Variants in SLC35F4 observed in about 807,000 individuals in gnomAD.
SLC35F4 encodes the protein chromosome 14 open reading frame 36.
Under a neutral mutation model 44.2 loss-of-function variants are expected in SLC35F4, and 24 were observed. That is an observed-to-expected ratio of 0.54 (90% CI 0.39 to 0.76). SLC35F4 has a LOEUF of 0.76. Ranked by LOEUF, SLC35F4 falls within the 30% of genes least tolerant of loss-of-function variation. SLC35F4 has a pLI of 0.00. For missense variants in SLC35F4, 562 were observed against 586.1 expected (o/e 0.96, Z 0.42); for synonymous variants, 238 against 223.6 (o/e 1.06, Z -0.57).
At chr14:57,661,650 T>C (rs2074140513) in intron 1 of SLC35F4, among the ~76,000 whole-genome samples, 1 of 152,256 alleles carries the variant, frequency 6.6e-6, no homozygotes, top group South Asian at 2.1e-4. Context: ...AGTGAAGAAA[T>C]ATGAAGGCTA....
At chr14:57,919,230 T>A (rs1889391734) in intron 1 of SLC35F4, among the ~76,000 whole-genome samples, 1 of 152,208 alleles carries the variant, frequency 6.6e-6, no homozygotes. Context: ...AATAAACTTT[T>A]ACTATGTTAA....
At chr14:57,576,700 A>G (rs1474324799) in intron 4 of SLC35F4, among the ~76,000 whole-genome samples, 2 of 152,084 alleles carry the variant, frequency 1.3e-5, no homozygotes, top group South Asian at 2.1e-4. Context: ...GAAGGGGGGT[A>G]CCTTGGATAG....
intron 1 of SLC35F4, among the ~76,000 whole-genome samples, chr14:57,694,594 G>T (rs62005180): frequency 0.059 from 8,941 of 152,160 alleles, 396 homozygotes; most frequent in Non-Finnish European, 0.089. Context: ...GAGTTTGATA[G>T]ATATTTCACA....
chr14:57,957,350 A>G (rs1182433599), intron 1 of SLC35F4, among the ~76,000 whole-genome samples: 1 of 151,974 alleles, frequency 6.6e-6, no homozygotes, highest in African/African-American at 2.4e-5. Context: ...TGACAGGTTG[A>G]TGCATGCAGC....
chr14:57,937,005 TA>T (rs1203396976), intron 1 of SLC35F4, among the ~76,000 whole-genome samples: 3 of 151,618 alleles, frequency 2.0e-5, no homozygotes, highest in African/African-American at 7.3e-5. Flanking sequence ...ATGTTACATT[TA>T]AAAAATTGAG....
chr14:57,689,295 G>A lies in SLC35F4; in HGVS notation c.104-95171C>T, dbSNP rs768167815. On this transcript the variant is annotated intron_variant, in intron 1 of 7. Coordinates refer to ENST00000556826, the MANE Select transcript of SLC35F4 (RefSeq NM_001306087.2). ...CAGGCCATTCACCCTGTCCTGCCAA[G>A]TTGACCTCCTAATTTCTTCTGGAGT... Among the ~76,000 whole-genome samples the A allele has an allele frequency of 2.2e-4, 34 of 152,030 alleles. 1 individual carries two copies. The highest frequency in any genetic ancestry group is 4.3e-4 in the Non-Finnish European group (29 of 68,022).
intron 1 of SLC35F4, among the ~76,000 whole-genome samples, chr14:57,946,853 T>G (rs539155984): frequency 6.6e-6 from 1 of 152,178 alleles, no homozygotes; most frequent in South Asian, 2.1e-4. Context: ...CCAGGCTGTT[T>G]TGCTAACTAT....
intron 1 of SLC35F4, among the ~76,000 whole-genome samples, chr14:57,965,165 T>A (rs996721876): frequency 6.6e-6 from 1 of 151,882 alleles, no homozygotes; most frequent in Non-Finnish European, 1.5e-5. Context: ...CTGACAAGGG[T>A]CTCACTGGGT....
intron 1 of SLC35F4, among the ~76,000 whole-genome samples, chr14:57,649,646 A>G (rs1028921883): frequency 1.3e-5 from 2 of 152,148 alleles, no homozygotes; most frequent in African/African-American, 4.8e-5. Flanking sequence ...TATTCTGCCA[A>G]CCACAGCATG....
intron 1 of SLC35F4, among the ~76,000 whole-genome samples, chr14:57,820,921 A>G (rs189854297): frequency 8.6e-4 from 131 of 152,374 alleles, no homozygotes; most frequent in African/African-American, 3.0e-3. Flanking sequence ...TGTTAACAAA[A>G]AGAGAAAGCT....
chr14:57,953,320 G>A (rs1890175815), intron 1 of SLC35F4, among the ~76,000 whole-genome samples: 1 of 152,164 alleles, frequency 6.6e-6, no homozygotes, highest in Non-Finnish European at 1.5e-5. Flanking sequence ...ACCAGCCACT[G>A]CAAAAATATA....
At chr14:57,850,191 G>T (rs1264664922) in intron 1 of SLC35F4, among the ~76,000 whole-genome samples, 1 of 152,192 alleles carries the variant, frequency 6.6e-6, no homozygotes, top group Non-Finnish European at 1.5e-5. Context: ...CACATGAAAA[G>T]TTGCAACGTC....
intron 1 of SLC35F4, among the ~76,000 whole-genome samples, chr14:57,692,016 CA>C (rs1265597699): frequency 2.0e-5 from 3 of 151,946 alleles, no homozygotes; most frequent in Non-Finnish European, 4.4e-5. Context: ...CTGTAACATG[CA>C]AAAAGGTGAA....
intron 1 of SLC35F4, among the ~76,000 whole-genome samples, chr14:57,801,323 A>G (rs193280697): frequency 4.5e-4 from 68 of 152,322 alleles, no homozygotes; most frequent in African/African-American, 1.5e-3. Flanking sequence ...ATGCTTACGG[A>G]ATTTATCACC....
At chr14:57,964,965 C>G (rs1890407620) in intron 1 of SLC35F4, among the ~76,000 whole-genome samples, 1 of 126,056 alleles carries the variant, frequency 7.9e-6, no homozygotes. Context: ...GATTAATGCT[C>G]CCATGGGGGA....
chr14:57,578,245 T>G (rs1410585055), intron 4 of SLC35F4, among the ~76,000 whole-genome samples: 1 of 147,260 alleles, frequency 6.8e-6, no homozygotes, highest in Non-Finnish European at 1.5e-5. Flanking sequence ...CCAACAAACA[T>G]CTGTTTCTAA....
chr14:57,869,202 T>G (rs1224068692), upstream of SLC35F4, among the ~76,000 whole-genome samples: 1 of 150,478 alleles, frequency 6.6e-6, no homozygotes, highest in South Asian at 2.1e-4. Flanking sequence ...TTGTGGTTTT[T>G]TTTTTTTTTA....
At chr14:57,564,666 C>T (rs2068117396) in intron 7 of SLC35F4, among the ~76,000 whole-genome samples, 2 of 152,164 alleles carry the variant, frequency 1.3e-5, no homozygotes, top group South Asian at 4.1e-4. Flanking sequence ...TTTCATTGGA[C>T]CATTGGAGAT....
At chr14:57,736,130 G>T (rs1343089495) in intron 1 of SLC35F4, among the ~76,000 whole-genome samples, 2 of 152,148 alleles carry the variant, frequency 1.3e-5, no homozygotes, top group Non-Finnish European at 2.9e-5. Flanking sequence ...TAATGGTGTG[G>T]AATAAAGTGT....
Sources: allele counts gnomAD v4.1 joint callset (sites outside exome capture counted in the v4.1 genomes callset), GRCh38; gene constraint gnomAD v4.1.1; transcripts MANE v1.5; gene names NCBI Gene and HGNC (gene_info 2026-07-23, HGNC 2026-07-21).